SEMA7A: variants seen among roughly 807,000 people sequenced by gnomAD.
SEMA7A encodes the protein semaphorin-7A.
A neutral mutation model predicts 67.5 loss-of-function variants in SEMA7A; 21 were observed. The observed-to-expected ratio is 0.31, with a 90% confidence interval of 0.22 to 0.45. SEMA7A has a LOEUF of 0.45. Ranked by LOEUF, SEMA7A falls within the 20% of genes least tolerant of loss-of-function variation. SEMA7A has a pLI of 1.00. For missense variants in SEMA7A, 774 were observed against 908.6 expected, an observed-to-expected ratio of 0.85 and a Z score of 1.90; for synonymous variants, 364 against 368.5, an observed-to-expected ratio of 0.99 and a Z score of 0.14.
In SEMA7A at chr15:74,417,325, C is replaced by A; in HGVS notation, c.661+10G>T. On this transcript the variant is annotated intron_variant, in intron 6 of 13. Coordinates refer to ENST00000261918, the MANE Select transcript of SEMA7A (RefSeq NM_003612.5). ...TTGCCCACCCTCAGCCCAGCCGGAGCCTGACTCACTCTGCATGACAGTATC... is the reference window on the plus strand; with the variant it reads ...TTGCCCACCCTCAGCCCAGCCGGAGACTGACTCACTCTGCATGACAGTATC... 6.2e-7 allele frequency: 1 copy of A among 1,609,826 alleles called. No individual in the cohort carries two copies. The highest frequency in any genetic ancestry group is 8.5e-7 in the Non-Finnish European group (1 of 1,176,482).
Position 74,411,481 on chromosome 15 carries a change from T to G in SEMA7A, c.1577+75A>C. 1 of 1,541,344 alleles carries G rather than the reference T, an allele frequency of 6.5e-7. No individual in the cohort carries two copies. Among genetic ancestry groups the G allele is most frequent in the Non-Finnish European group, 8.8e-7 (1 of 1,142,674 alleles). On this transcript the variant is annotated intron_variant, in intron 12 of 13. Coordinates refer to ENST00000261918, the MANE Select transcript of SEMA7A (RefSeq NM_003612.5). The surrounding 1 kb of genome is among the most constrained non-coding windows in gnomAD (Gnocchi z 4.4). ...ACAAGAAAGGCCCAGTACCGCCACC[T>G]CCTCCAGCCCGACAACACCTCCCCC... is the stretch of plus-strand genomic sequence containing the variant.
chr15:74,410,658 A>G lies in SEMA7A; in HGVS notation c.1967T>C (p.Leu656Pro), dbSNP rs1596184661. 1.2e-6 allele frequency: 2 copies of G among 1,604,914 alleles called. No individual in the cohort carries two copies. The highest frequency in any genetic ancestry group is 1.7e-6 in the Non-Finnish European group (2 of 1,174,020). Reference sequence around the variant, plus strand: ...CAGCAAGCCAAGAGTGAGTGTGGGCAGCACCCCCAGCCAGAGGGAGGCGGC... The same window carrying G: ...CAGCAAGCCAAGAGTGAGTGTGGGCGGCACCCCCAGCCAGAGGGAGGCGGC... Reference protein sequence around the residue: ...ALAASLWLGVLPTLTLGLLVH With the variant: ...ALAASLWLGVPPTLTLGLLVH The change falls in exon 14 of 14, where the codon CTG (leucine) becomes CCG (proline). Residue 656 changes from leucine to proline, a missense_variant. Coordinates refer to ENST00000261918, the MANE Select transcript of SEMA7A (RefSeq NM_003612.5). This position sits in a 1 kb window ranked among gnomAD's most constrained non-coding sequence, Gnocchi z 7.5.
chr15:74,417,787 G>A, intron 4 of SEMA7A, 90 bp downstream of exon 4: 2 of 1,550,188 alleles, frequency 1.3e-6, no homozygotes, highest in South Asian at 2.2e-5. Context: ...GCCAGCATTG[G>A]AGTCTCGCCA....
At chr15:74,426,705 G>C (rs912929344) in intron 1 of SEMA7A, among the ~76,000 whole-genome samples, 2 of 152,146 alleles carry the variant, frequency 1.3e-5, no homozygotes, top group Non-Finnish European at 2.9e-5. Flanking sequence ...GTGTTCAGGA[G>C]TTAGAGGCTG....
chr15:74,412,927 T>C (rs1425539293), intron 10 of SEMA7A, among the ~76,000 whole-genome samples: 3 of 152,268 alleles, frequency 2.0e-5, no homozygotes, highest in African/African-American at 7.2e-5. Flanking sequence ...AGACCAATGC[T>C]CTCTCCGTTC....
chr15:74,413,983 C>T (rs980865641), intron 10 of SEMA7A, among the ~76,000 whole-genome samples: 1 of 152,190 alleles, frequency 6.6e-6, no homozygotes, highest in African/African-American at 2.4e-5. Flanking sequence ...CGGCATTCCA[C>T]CCAGCTTCCC....
At chr15:74,418,356 AC>A in intron 2 of SEMA7A, 47 bp from the exon 3 acceptor site, 1 of 1,591,972 alleles carries the variant, frequency 6.3e-7, no homozygotes, top group African/African-American at 1.3e-5. Context: ...GGGGTGAGGT[AC>A]CCCTGAAATG....
In SEMA7A at chr15:74,417,328, G is replaced by A; in HGVS notation, c.661+7C>T. The A allele has an allele frequency of 1.2e-6, 2 of 1,610,262 alleles. No individual in the cohort carries two copies. Among genetic ancestry groups the A allele is most frequent in the South Asian group, 1.1e-5 (1 of 91,020 alleles). ...CCCACCCTCAGCCCAGCCGGAGCCT[G>A]ACTCACTCTGCATGACAGTATCACT... On this transcript the variant is annotated splice_region_variant and intron_variant, in intron 6 of 13. Transcript: ENST00000261918.
rs777852144 is a variant in SEMA7A at position 74,416,612 on chromosome 15, G to A, written c.764C>T (p.Ala255Val). Residue 255 changes from alanine to valine, a missense_variant, in exon 7 of 14, where the codon GCT (alanine) becomes GTT (valine). Transcript: ENST00000261918. Reference sequence around the variant, plus strand: ...GGCCACACGGGACACATTGAGAGGAGCCTCAGGATTCTTGTCAGGATTGTC... The same window carrying A: ...GGCCACACGGGACACATTGAGAGGAACCTCAGGATTCTTGTCAGGATTGTC... ...REDNPDKNPE[A>V]PLNVSRVAQL... 6.2e-7 allele frequency: 1 copy of A among 1,614,092 alleles called. No individual in the cohort carries two copies. The highest frequency in any genetic ancestry group is 1.1e-5 in the South Asian group (1 of 91,076).
intron 1 of SEMA7A, 108 bp downstream of exon 1, chr15:74,433,633 G>T: frequency 7.7e-7 from 1 of 1,294,038 alleles, no homozygotes; most frequent in South Asian, 2.3e-5. Context: ...GGGACAGCCC[G>T]GGACCCGCAG....
At chr15:74,416,474 T>C in intron 7 of SEMA7A, 101 bp downstream of exon 7, 1 of 1,288,918 alleles carries the variant, frequency 7.8e-7, no homozygotes, top group Non-Finnish European at 1.1e-6. Flanking sequence ...CACTCATACA[T>C]CCACACAACT....
chr15:74,411,222 A>C lies in SEMA7A; in HGVS notation c.1639+73T>G. The stretch of plus-strand genomic sequence containing the variant: ...CACAGGACAAGGCCATGTCTCCCTC[A>C]GACCAGGACAATCAGGGCAGGGCAG... On this transcript the variant is annotated intron_variant, in intron 13 of 13. Coordinates refer to ENST00000261918, the MANE Select transcript of SEMA7A (RefSeq NM_003612.5). The surrounding 1 kb of genome is among the most constrained non-coding windows in gnomAD (Gnocchi z 4.4). 2.6e-6 allele frequency: 4 copies of C among 1,516,684 alleles called. No homozygotes were observed. Among genetic ancestry groups the C allele is most frequent in the South Asian group, 1.2e-5 (1 of 82,650 alleles). The allele number at this position is 1,516,684 out of a possible 1,614,324, so 94.0% of individuals were successfully genotyped here.
intron 1 of SEMA7A, among the ~76,000 whole-genome samples, chr15:74,432,271 G>A (rs1329639444): frequency 6.6e-6 from 1 of 152,172 alleles, no homozygotes; most frequent in Non-Finnish European, 1.5e-5. Flanking sequence ...CAAAGCTGCT[G>A]GGAGGGCAAA....
intron 1 of SEMA7A, among the ~76,000 whole-genome samples, chr15:74,429,340 C>G (rs1044623474): frequency 6.6e-6 from 1 of 152,192 alleles, no homozygotes; most frequent in Non-Finnish European, 1.5e-5. Context: ...TTGCTTGGCC[C>G]TCCTCAAAAA....
intron 2 of SEMA7A, 106 bp from the exon 3 acceptor site, chr15:74,418,415 C>T (rs2060971281): frequency 8.9e-7 from 1 of 1,127,766 alleles, no homozygotes; most frequent in African/African-American, 1.6e-5. Flanking sequence ...AACCATTATT[C>T]TCATCTGACA....
At chr15:74,431,146 G>A (rs2141293716) in intron 1 of SEMA7A, among the ~76,000 whole-genome samples, 1 of 152,310 alleles carries the variant, frequency 6.6e-6, no homozygotes, top group East Asian at 1.9e-4. Flanking sequence ...TACAGTTCCT[G>A]CTTACAGGAA....
intron 2 of SEMA7A, among the ~76,000 whole-genome samples, chr15:74,418,593 A>G (rs1188086953): frequency 1.3e-5 from 2 of 152,134 alleles, no homozygotes; most frequent in Non-Finnish European, 2.9e-5. Context: ...CAGGCCCATT[A>G]GCTCCTGTTT....
chr15:74,422,011 G>A (rs2061004240), intron 1 of SEMA7A, among the ~76,000 whole-genome samples: 1 of 152,208 alleles, frequency 6.6e-6, no homozygotes. Context: ...GCCAGGCAGA[G>A]GACGCAACCT....
intron 1 of SEMA7A, among the ~76,000 whole-genome samples, chr15:74,421,371 C>T (rs1027258756): frequency 3.3e-5 from 5 of 152,188 alleles, no homozygotes; most frequent in Admixed American, 3.3e-4. Flanking sequence ...GTAGGAGCTG[C>T]AGCACTAGGG....
Sources: gnomAD v4.1 joint callset for allele counts (sites outside exome capture counted in the v4.1 genomes callset) on GRCh38, gnomAD v4.1.1 for gene constraint, Gnocchi (gnomAD v3.1) non-coding constraint, MANE v1.5 for transcripts, NCBI Gene and HGNC (gene_info 2026-07-23, HGNC 2026-07-21) for gene names.